Variants in LRP1B observed in about 807,000 individuals in gnomAD.
LRP1B encodes low-density lipoprotein receptor-related protein 1B.
A neutral mutation model predicts 556.6 loss-of-function variants in LRP1B; 217 were observed. That is an observed-to-expected ratio of 0.39 (90% CI 0.35 to 0.44). The LOEUF is 0.44. Ranked by LOEUF, LRP1B falls within the 20% of genes least tolerant of loss-of-function variation. LRP1B has a pLI of 1.00. For missense variants in LRP1B, 5,053 were observed against 5,620.8 expected, an observed-to-expected ratio of 0.90 and a Z score of 3.23; for synonymous variants, 2,047 against 1,865.8, an observed-to-expected ratio of 1.10 and a Z score of -2.50.
At chr2:142,000,405 C>A (rs185018013) in intron 1 of LRP1B, among the ~76,000 whole-genome samples, 17,771 of 152,186 alleles carry the variant, frequency 0.12, 1,268 homozygotes, top group Non-Finnish European at 0.16. Context: ...ATAATTTATA[C>A]ATAATTACAA....
chr2:141,356,662 C>T (rs1254489347), intron 3 of LRP1B, among the ~76,000 whole-genome samples: 2 of 151,984 alleles, frequency 1.3e-5, no homozygotes, highest in Non-Finnish European at 2.9e-5. Flanking sequence ...AATACCTTGG[C>T]TAATATTAAA....
At chr2:142,047,265 ATT>A (rs904735873) in intron 1 of LRP1B, among the ~76,000 whole-genome samples, 73 of 152,084 alleles carry the variant, frequency 4.8e-4, no homozygotes, top group African/African-American at 1.3e-3. Flanking sequence ...GAGGCTTGAC[ATT>A]TAGGATTACC....
intron 43 of LRP1B, among the ~76,000 whole-genome samples, chr2:140,565,222 A>C (rs1283091458): frequency 9.9e-6 from 1 of 101,516 alleles, no homozygotes; most frequent in South Asian, 3.3e-4. Context: ...CACATTGCTG[A>C]ACTTTTACAT....
intron 23 of LRP1B, among the ~76,000 whole-genome samples, chr2:140,887,278 ATGTT>A (rs1006135250): frequency 1.3e-5 from 2 of 152,162 alleles, no homozygotes; most frequent in African/African-American, 4.8e-5. Context: ...AATAAAGAAA[ATGTT>A]TGTGTTGGAT....
chr2:141,460,333 G>A (rs1681813903), intron 3 of LRP1B, among the ~76,000 whole-genome samples: 1 of 152,018 alleles, frequency 6.6e-6, no homozygotes, highest in Non-Finnish European at 1.5e-5. Flanking sequence ...AACAGTTCAT[G>A]CCAAAAATGT....
chr2:140,895,626 C>T (rs1348877715), intron 23 of LRP1B, among the ~76,000 whole-genome samples: 5 of 152,160 alleles, frequency 3.3e-5, no homozygotes, highest in Non-Finnish European at 7.3e-5. Flanking sequence ...TGACAACCCC[C>T]TGTAACCTGA....
At chr2:140,851,616 T>G in intron 28 of LRP1B, 36 bp downstream of exon 28, 1 of 1,590,118 alleles carries the variant, frequency 6.3e-7, no homozygotes, top group Non-Finnish European at 8.5e-7. Context: ...AATTCAATTT[T>G]GTTTTTATTT....
At chr2:140,448,288 G>T (rs1293501072) in intron 63 of LRP1B, among the ~76,000 whole-genome samples, 1 of 152,078 alleles carries the variant, frequency 6.6e-6, no homozygotes, top group African/African-American at 2.4e-5. Flanking sequence ...TCATTATGTT[G>T]TAACACTATT....
At chr2:140,644,814 T>C (rs553385994) in intron 41 of LRP1B, among the ~76,000 whole-genome samples, 1 of 152,308 alleles carries the variant, frequency 6.6e-6, no homozygotes, top group South Asian at 2.1e-4. Context: ...CGTGAGTATT[T>C]ACAGAGATGT....
At chr2:141,422,378 G>A (rs548796609) in intron 3 of LRP1B, among the ~76,000 whole-genome samples, 19 of 152,212 alleles carry the variant, frequency 1.2e-4, no homozygotes, top group African/African-American at 4.3e-4. Context: ...TAAGTCAATA[G>A]ATCTTCACTT....
intron 3 of LRP1B, among the ~76,000 whole-genome samples, chr2:141,470,129 A>T (rs1172606339): frequency 6.6e-6 from 1 of 152,204 alleles, no homozygotes; most frequent in Non-Finnish European, 1.5e-5. Context: ...CATTATTCAA[A>T]ATTTAAACTT....
chr2:140,373,961 T>G (rs1295412704), intron 68 of LRP1B, among the ~76,000 whole-genome samples: 2 of 152,206 alleles, frequency 1.3e-5, no homozygotes, highest in Admixed American at 6.6e-5. Context: ...TCTTTTCCTT[T>G]GCACCAATCC....
chr2:141,686,061 T>C (rs1397930848), intron 2 of LRP1B, among the ~76,000 whole-genome samples: 2 of 152,040 alleles, frequency 1.3e-5, no homozygotes. Flanking sequence ...TACCAGCATA[T>C]GTACTTTCAA....
intron 7 of LRP1B, among the ~76,000 whole-genome samples, chr2:141,117,407 G>A (rs1389707529): frequency 6.6e-6 from 1 of 151,786 alleles, no homozygotes; most frequent in Non-Finnish European, 1.5e-5. Context: ...GGTTGAATCA[G>A]ATATCAAGGG....
At chr2:141,933,757 C>A (rs1195246615) in intron 1 of LRP1B, among the ~76,000 whole-genome samples, 1 of 152,108 alleles carries the variant, frequency 6.6e-6, no homozygotes, top group Admixed American at 6.6e-5. Context: ...TAACAATTTA[C>A]TTTAAATTAG....
rs115414675 is a variant in LRP1B at position 141,170,693 on chromosome 2, T to A, written c.1013+17728A>T. Among the ~76,000 whole-genome samples the A allele has an allele frequency of 4.8e-3, 734 of 152,196 alleles. 5 individuals are homozygous for A. Among genetic ancestry groups the A allele is most frequent in the African/African-American group, 0.017 (705 of 41,550 alleles). On this transcript the variant is annotated intron_variant, in intron 7 of 90. Transcript: ENST00000389484. ...ATTCAGGGAAACCACTCAAACACCC[T>A]TGAATTATATCCCTGTGGCCTTAAA...
intron 41 of LRP1B, among the ~76,000 whole-genome samples, chr2:140,639,906 T>A (rs548983165): frequency 6.6e-6 from 1 of 152,284 alleles, no homozygotes; most frequent in South Asian, 2.1e-4. Flanking sequence ...TGCTACTACC[T>A]CAGAGTCTCT....
intron 1 of LRP1B, among the ~76,000 whole-genome samples, chr2:141,954,031 A>T (rs528859105): frequency 6.6e-6 from 1 of 152,240 alleles, no homozygotes; most frequent in South Asian, 2.1e-4. Flanking sequence ...AAAAACTGCC[A>T]ATAATTACTT....
intron 31 of LRP1B, among the ~76,000 whole-genome samples, chr2:140,828,769 G>A (rs12996803): frequency 0.13 from 1,625 of 12,634 alleles, 125 homozygotes; most frequent in South Asian, 0.32. Context: ...CAGCCTGGGC[G>A]ACAGAGCGAG....
Sources: gnomAD v4.1 joint callset for allele counts (sites outside exome capture counted in the v4.1 genomes callset) on GRCh38, gnomAD v4.1.1 for gene constraint, MANE v1.5 for transcripts, NCBI Gene and HGNC (gene_info 2026-07-23, HGNC 2026-07-21) for gene names.